Variants in RTL4 observed in about 807,000 individuals in gnomAD.
The protein encoded by RTL4 is retrotransposon Gag-like protein 4.
Under a neutral mutation model 5.3 loss-of-function variants are expected in RTL4, and 4 were observed. That is an observed-to-expected ratio of 0.75 (90% CI 0.37 to 1.72). The LOEUF (loss-of-function observed/expected upper bound fraction) is 1.72, where lower values mean the gene tolerates loss of function less well. Ranked by LOEUF, RTL4 falls within the 40% of genes most tolerant of loss-of-function variation. The probability of loss-of-function intolerance (pLI) is 0.04; values close to 1 mark genes in which losing one functional copy is unlikely to be tolerated. For missense variants in RTL4, 260 were observed against 227.1 expected, an observed-to-expected ratio of 1.14 and a Z score of -0.93; for synonymous variants, 98 against 87.3, an observed-to-expected ratio of 1.12 and a Z score of -0.68.
the RTL4 span, among the ~76,000 whole-genome samples, chrX:112,338,432 A>G: frequency 0.044 from 4,883 of 111,975 alleles, 266 homozygotes; most frequent in African/African-American, 0.15. Flanking sequence ...TTTCTCTTTC[A>G]GAAACACAAT....
At chrX:112,390,716 T>G in the RTL4 span, among the ~76,000 whole-genome samples, 1 of 111,112 alleles carries the variant, frequency 9.0e-6, no homozygotes, top group Admixed American at 9.5e-5. Flanking sequence ...CCTTTGTCAG[T>G]GACCTGTCCT....
chrX:112,399,650 A>G, the RTL4 span, among the ~76,000 whole-genome samples: 1 of 111,338 alleles, frequency 9.0e-6, no homozygotes, highest in South Asian at 3.8e-4. Context: ...GAGTTAGGCG[A>G]TAAGAAAAGT....
chrX:112,293,287 CAT>C, the RTL4 span, among the ~76,000 whole-genome samples: 1 of 112,309 alleles, frequency 8.9e-6, no homozygotes, highest in African/African-American at 3.2e-5. Flanking sequence ...TATAGACACA[CAT>C]GTAATTCTGA....
chrX:112,412,375 G>A, the RTL4 span, among the ~76,000 whole-genome samples: 1 of 110,826 alleles, frequency 9.0e-6, no homozygotes, highest in African/African-American at 3.3e-5. Context: ...ATATAAAAAC[G>A]CAAAAGACCC....
chrX:112,230,504 C>T, the RTL4 span, among the ~76,000 whole-genome samples: 19 of 112,329 alleles, frequency 1.7e-4, no homozygotes, highest in South Asian at 3.0e-3. Context: ...CGCCCTGCTT[C>T]GGCTCATGCA....
At chrX:112,177,576 G>A in the RTL4 span, among the ~76,000 whole-genome samples, 1 of 108,677 alleles carries the variant, frequency 9.2e-6, no homozygotes, top group Non-Finnish European at 1.9e-5. Flanking sequence ...ATGTACTCTG[G>A]TTATTAATCC....
At chrX:112,176,570 T>C in the RTL4 span, among the ~76,000 whole-genome samples, 1 of 111,333 alleles carries the variant, frequency 9.0e-6, no homozygotes. Flanking sequence ...TAAATTGATA[T>C]AACATATTTT....
the RTL4 span, among the ~76,000 whole-genome samples, chrX:112,247,052 C>T: frequency 3.1e-4 from 35 of 111,420 alleles, no homozygotes; most frequent in East Asian, 9.8e-3. Flanking sequence ...TTATATAATT[C>T]AAATACATTT....
the RTL4 span, among the ~76,000 whole-genome samples, chrX:112,131,648 G>A: frequency 9.0e-6 from 1 of 111,480 alleles, no homozygotes; most frequent in Admixed American, 9.6e-5. Context: ...GTTGCTTCAT[G>A]TGTTCCTCTT....
the RTL4 span, among the ~76,000 whole-genome samples, chrX:112,423,115 G>GC: frequency 1.8e-5 from 2 of 109,678 alleles, no homozygotes; most frequent in East Asian, 5.8e-4. Flanking sequence ...TGTGTGTGGG[G>GC]GGGGGATGGG....
At chrX:112,285,580 G>GAATT in the RTL4 span, among the ~76,000 whole-genome samples, 1 of 111,520 alleles carries the variant, frequency 9.0e-6, no homozygotes, top group Admixed American at 9.6e-5. Context: ...AATTGGGAGA[G>GAATT]GCTGAAGGAA....
chrX:112,380,379 C>T, the RTL4 span, among the ~76,000 whole-genome samples: 1 of 111,266 alleles, frequency 9.0e-6, no homozygotes, highest in Admixed American at 9.5e-5. Context: ...GTCTCGATCC[C>T]CTAACCTCGT....
chrX:112,278,415 G>GA, the RTL4 span, among the ~76,000 whole-genome samples: 1 of 111,891 alleles, frequency 8.9e-6, no homozygotes, highest in East Asian at 2.8e-4. Context: ...ACCCAAAGAG[G>GA]AAAAACCTAG....
the RTL4 span, among the ~76,000 whole-genome samples, chrX:112,244,045 A>C: frequency 8.9e-6 from 1 of 112,261 alleles, no homozygotes; most frequent in Non-Finnish European, 1.9e-5. Context: ...ATTTGATTGC[A>C]CTGTGGTCTG....
At chrX:112,202,173 G>A in the RTL4 span, among the ~76,000 whole-genome samples, 1 of 111,465 alleles carries the variant, frequency 9.0e-6, no homozygotes, top group African/African-American at 3.3e-5. Context: ...ACAAATATGT[G>A]CGTCATTTCT....
chrX:112,267,004 G>T, the RTL4 span, among the ~76,000 whole-genome samples: 1 of 111,695 alleles, frequency 9.0e-6, no homozygotes. Flanking sequence ...GTTACTCAAA[G>T]ATATTGCTCT....
the RTL4 span, among the ~76,000 whole-genome samples, chrX:112,265,379 A>C: frequency 8.9e-6 from 1 of 112,012 alleles, no homozygotes; most frequent in African/African-American, 3.2e-5. Flanking sequence ...TTGATTCAGA[A>C]GAAGACAGGA....
the RTL4 span, among the ~76,000 whole-genome samples, chrX:112,310,820 T>A: frequency 4.6e-5 from 4 of 86,483 alleles, no homozygotes; most frequent in Non-Finnish European, 8.5e-5. Flanking sequence ...ATATTATATA[T>A]ATTAATACAT....
At chrX:112,282,664 T>A in the RTL4 span, among the ~76,000 whole-genome samples, 1 of 112,167 alleles carries the variant, frequency 8.9e-6, no homozygotes, top group African/African-American at 3.2e-5. Context: ...TTCTTCAATT[T>A]CTTTCATTAG....
Sources: gnomAD v4.1 joint callset for allele counts (sites outside exome capture counted in the v4.1 genomes callset) on GRCh38, gnomAD v4.1.1 for gene constraint, MANE v1.5 for transcripts, NCBI Gene and HGNC (gene_info 2026-07-23, HGNC 2026-07-21) for gene names.